NEMP2: variants seen among roughly 807,000 people sequenced by gnomAD.
The protein encoded by NEMP2 is nuclear envelope integral membrane protein 2.
NEMP2 carries 53 observed loss-of-function variants against 54.2 expected under a neutral mutation model. That is an observed-to-expected ratio of 0.98 (90% CI 0.78 to 1.23). The LOEUF (loss-of-function observed/expected upper bound fraction) is 1.23. Among genes scored for constraint, NEMP2 ranks in the 50% most tolerant of loss-of-function variants. The pLI is 0.00. For synonymous variants in NEMP2, 197 were observed against 190.3 expected (o/e 1.04, Z -0.29); for missense variants, 455 against 511.3 (o/e 0.89, Z 1.06).
In NEMP2 at chr2:190,516,251, T is replaced by C. The variant is rs1690551133; in HGVS notation, c.727+19A>G. ...CAGTTTTACCAATCACAGAGCATAT[T>C]GTTTTTCTATTTACCTACCTAATAC... On this transcript the variant is annotated intron_variant, in intron 6 of 8. Coordinates refer to ENST00000409150, the MANE Select transcript of NEMP2 (RefSeq NM_001142645.2). 1.3e-6 allele frequency: 2 copies of C among 1,511,188 alleles called. No homozygotes were observed. Among genetic ancestry groups the C allele is most frequent in the South Asian group, 2.4e-5 (2 of 81,782 alleles). 93.6% of individuals were successfully genotyped at this position (1,511,188 alleles called of 1,614,324 possible).
chr2:190,538,185 G>GT (rs77070133), upstream of NEMP2, among the ~76,000 whole-genome samples: 35,524 of 151,222 alleles, frequency 0.23, 4,976 homozygotes, highest in South Asian at 0.33. The surrounding 1 kb of genome is among the most constrained non-coding windows in gnomAD (Gnocchi z 4.1). Context: ...ATAAGATCCA[G>GT]TTTTTTTTTA....
At chr2:190,578,165 GAC>G in the NEMP2 span, among the ~76,000 whole-genome samples, 4 of 152,202 alleles carry the variant, frequency 2.6e-5, no homozygotes, top group Admixed American at 6.5e-5. This position sits in a 1 kb window ranked among gnomAD's most constrained non-coding sequence, Gnocchi z 4.4. Flanking sequence ...ACCACAGACA[GAC>G]ACCATATTGT....
chr2:190,514,462 T>G lies in NEMP2; in HGVS notation c.944A>C (p.Tyr315Ser). 1 of 1,551,080 alleles carries G rather than the reference T, an allele frequency of 6.4e-7. No individual in the cohort carries two copies. Among genetic ancestry groups the G allele is most frequent in the Non-Finnish European group, 8.7e-7 (1 of 1,146,916 alleles). Residue 315 changes from tyrosine to serine, a missense_variant, in exon 7 of 9, where the codon TAT becomes TCT. By Grantham distance (144) the Tyr-to-Ser change is moderately radical (BLOSUM62 -2). Transcript: ENST00000409150. The surrounding 1 kb of genome is among the most constrained non-coding windows in gnomAD (Gnocchi z 5.7). Reference protein sequence around the residue: ...SLHYPLRACSYMRWKMEQWFT... With the variant: ...SLHYPLRACSSMRWKMEQWFT... ...AAAAAATGATACATACCACCTCATA[T>G]AACTGCATGCTCTCAGTGGGTAGTG... is the stretch of plus-strand genomic sequence containing the variant.
the NEMP2 span, among the ~76,000 whole-genome samples, chr2:190,603,446 T>C: frequency 6.6e-6 from 1 of 151,438 alleles, no homozygotes; most frequent in Non-Finnish European, 1.5e-5. Context: ...TTTGTTTCCG[T>C]AGCCATTGTT....
At chr2:190,606,250 T>C in the NEMP2 span, among the ~76,000 whole-genome samples, 1 of 152,212 alleles carries the variant, frequency 6.6e-6, no homozygotes, top group Admixed American at 6.5e-5. Context: ...ATTTTTCCTG[T>C]CCTCTTCCCC....
chr2:190,433,933 G>A, the NEMP2 span, among the ~76,000 whole-genome samples: 3 of 152,184 alleles, frequency 2.0e-5, no homozygotes, highest in Non-Finnish European at 4.4e-5. This position sits in a 1 kb window ranked among gnomAD's most constrained non-coding sequence, Gnocchi z 4.5. Context: ...GTTCACGCCT[G>A]TAATCCCAGC....
In NEMP2 at chr2:190,504,885, T is replaced by C. The variant is rs1690151089; in HGVS notation, c.*4304A>G. The C allele has an allele frequency of 6.6e-6, 1 of 152,228 alleles. No homozygotes were observed. Among genetic ancestry groups the C allele is most frequent in the South Asian group, 2.1e-4 (1 of 4,830 alleles). 9.4% of individuals were successfully genotyped at this position (152,228 alleles called of 1,614,324 possible). On this transcript the variant is annotated 3_prime_UTR_variant, in exon 9 of 9. Coordinates refer to ENST00000409150, the MANE Select transcript of NEMP2 (RefSeq NM_001142645.2). This position sits in a 1 kb window ranked among gnomAD's most constrained non-coding sequence, Gnocchi z 5.6. ...TGCTGGTATGTGACAACATAGAAAT[T>C]AGACATTTCAAAATATGTATGGCAA... is the stretch of plus-strand genomic sequence containing the variant.
At chr2:190,575,461 A>G in the NEMP2 span, among the ~76,000 whole-genome samples, 3 of 152,214 alleles carry the variant, frequency 2.0e-5, no homozygotes, top group African/African-American at 7.2e-5. Flanking sequence ...CATTTTAAAA[A>G]AATCTTTTCC....
the NEMP2 span, among the ~76,000 whole-genome samples, chr2:190,594,102 C>T: frequency 6.6e-6 from 1 of 152,172 alleles, no homozygotes; most frequent in South Asian, 2.1e-4. This position sits in a 1 kb window ranked among gnomAD's most constrained non-coding sequence, Gnocchi z 5.6. Context: ...CACTGTCTTT[C>T]GTTTGTTTGT....
At chr2:190,477,364 C>G in the NEMP2 span, 1 of 983,182 alleles carries the variant, frequency 1.0e-6, no homozygotes, top group African/African-American at 1.7e-5. Context: ...TGTGCAGACT[C>G]TATAAATAAA....
chr2:190,464,322 T>C, the NEMP2 span, among the ~76,000 whole-genome samples: 62 of 152,296 alleles, frequency 4.1e-4, no homozygotes, highest in African/African-American at 1.5e-3. Flanking sequence ...CTTTGCAAAA[T>C]GCTTGTTGCC....
the NEMP2 span, among the ~76,000 whole-genome samples, chr2:190,640,787 ATTTTTTTTTTTTTTTTTTTTTTTTTTT>A: frequency 0.26 from 30,623 of 118,262 alleles, 4,155 homozygotes; most frequent in South Asian, 0.35. Flanking sequence ...AACACATTCA[ATTTTTTTTTTTTTTTTTTTTTTTTTTT>A]TTTTTTTTTT....
At chr2:190,422,907 A>G in the NEMP2 span, among the ~76,000 whole-genome samples, 1 of 149,168 alleles carries the variant, frequency 6.7e-6, no homozygotes, top group Non-Finnish European at 1.5e-5. Flanking sequence ...TCTTCATATT[A>G]AGTTCTTTTG....
the NEMP2 span, among the ~76,000 whole-genome samples, chr2:190,546,212 GAA>G: frequency 6.8e-6 from 1 of 147,228 alleles, no homozygotes; most frequent in Non-Finnish European, 1.5e-5. This position sits in a 1 kb window ranked among gnomAD's most constrained non-coding sequence, Gnocchi z 5.1. Flanking sequence ...ACCACAGACA[GAA>G]AATTTTTTTT....
At chr2:190,565,877 C>A in the NEMP2 span, among the ~76,000 whole-genome samples, 5 of 152,304 alleles carry the variant, frequency 3.3e-5, no homozygotes, top group Admixed American at 2.6e-4. Context: ...CCCACATGTA[C>A]AAAGAACAGT....
At chr2:190,426,507 T>C in the NEMP2 span, among the ~76,000 whole-genome samples, 1 of 152,166 alleles carries the variant, frequency 6.6e-6, no homozygotes, top group Non-Finnish European at 1.5e-5. The surrounding 1 kb of genome is among the most constrained non-coding windows in gnomAD (Gnocchi z 4.7). Flanking sequence ...ATTCAGGGGG[T>C]ACAATGCATG....
the NEMP2 span, among the ~76,000 whole-genome samples, chr2:190,644,232 T>C: frequency 6.6e-6 from 1 of 152,152 alleles, no homozygotes; most frequent in Non-Finnish European, 1.5e-5. The surrounding 1 kb of genome is among the most constrained non-coding windows in gnomAD (Gnocchi z 4.4). Context: ...CTGGCACCAA[T>C]TTAAATTTCC....
At chr2:190,424,476 C>T in the NEMP2 span, among the ~76,000 whole-genome samples, 1 of 152,046 alleles carries the variant, frequency 6.6e-6, no homozygotes, top group Non-Finnish European at 1.5e-5. The surrounding 1 kb of genome is among the most constrained non-coding windows in gnomAD (Gnocchi z 5.9). Context: ...GCTGGGATTA[C>T]AGGCACATGA....
At chr2:190,583,119 A>T in the NEMP2 span, among the ~76,000 whole-genome samples, 3 of 152,210 alleles carry the variant, frequency 2.0e-5, no homozygotes. Flanking sequence ...GAATCTATTA[A>T]ATGTCATACT....
Sources: gnomAD v4.1 joint callset for allele counts (sites outside exome capture counted in the v4.1 genomes callset) on GRCh38, gnomAD v4.1.1 for gene constraint, Gnocchi (gnomAD v3.1) non-coding constraint, MANE v1.5 for transcripts, NCBI Gene and HGNC (gene_info 2026-07-23, HGNC 2026-07-21) for gene names.